The following PPEF1 variants were observed in gnomAD, a reference collection of about 807,000 sequenced individuals.
PPEF1 encodes protein phosphatase with EF-hand domain 1.
Under a neutral mutation model 53.3 loss-of-function variants are expected in PPEF1, and 12 were observed. The ratio of observed to expected loss-of-function variants is 0.23; its 90% CI spans 0.14 to 0.36. The LOEUF is 0.36. Ranked by LOEUF, PPEF1 falls within the 10% of genes least tolerant of loss-of-function variation. The pLI, the probability that PPEF1 is intolerant of heterozygous loss-of-function variation, is 1.00. For missense variants in PPEF1, 334 were observed against 490.4 expected (o/e 0.68, Z 3.01); for synonymous variants, 165 against 176.7 (o/e 0.93, Z 0.52).
chrX:18,682,405 G>A (rs968506868), upstream of PPEF1, among the ~76,000 whole-genome samples: 5 of 112,133 alleles, frequency 4.5e-5, no homozygotes, highest in South Asian at 3.7e-4. Flanking sequence ...CTACTTTGGC[G>A]AGTTAGGAGT....
chrX:18,803,113 A>G lies in PPEF1; in HGVS notation c.1066-779A>G, dbSNP rs2046581007. ...CACAGATTTACCCACGTATTTATTA[A>G]CAGCAAGCCAGTCATTAGCATTGTT... On this transcript the variant is annotated intron_variant, in intron 10 of 15. Transcript: ENST00000470157. Among the ~76,000 whole-genome samples, 6 of 112,088 alleles carry G rather than the reference A, an allele frequency of 5.4e-5. No individual in the cohort carries two copies. The Admixed American group carries it at 5.7e-4, about 11-fold the overall frequency.
intron 3 of PPEF1, among the ~76,000 whole-genome samples, chrX:18,740,976 T>C (rs1249749108): frequency 2.8e-5 from 3 of 105,476 alleles, no homozygotes; most frequent in African/African-American, 1.0e-4. Flanking sequence ...AGGAGCATCT[T>C]TTAAATAATC....
intron 1 of PPEF1, among the ~76,000 whole-genome samples, chrX:18,723,376 T>C (rs2044631703): frequency 8.9e-6 from 1 of 112,018 alleles, no homozygotes; most frequent in East Asian, 2.8e-4. Context: ...GAGACAATTT[T>C]TAAAAAAGTA....
At chrX:18,720,611 C>A (rs952736885) in intron 1 of PPEF1, among the ~76,000 whole-genome samples, 1 of 111,235 alleles carries the variant, frequency 9.0e-6, no homozygotes, top group African/African-American at 3.3e-5. Flanking sequence ...ACAAAAATTT[C>A]TTTCAAAAGA....
chrX:18,811,609 ATATATATTT>A (rs1430824119), intron 12 of PPEF1, among the ~76,000 whole-genome samples: 170 of 22,978 alleles, frequency 7.4e-3, no homozygotes, highest in African/African-American at 0.029. Context: ...ATATATATAT[ATATATATTT>A]TTTTTTTTTT....
intron 6 of PPEF1, among the ~76,000 whole-genome samples, chrX:18,702,551 A>G (rs763918567): frequency 1.6e-3 from 168 of 107,635 alleles, no homozygotes; most frequent in Middle Eastern, 9.3e-3. Flanking sequence ...GAACAAGAAC[A>G]ACTCGGGGAG....
Position 18,725,433 on chromosome X carries a change from G to C in PPEF1, c.47-4748G>C, listed in dbSNP as rs1051120434. Among the ~76,000 whole-genome samples the C allele has an allele frequency of 2.7e-5, 3 of 111,700 alleles. No individual in the cohort carries two copies. The East Asian group carries it at 8.4e-4, about 31-fold the overall frequency. ...CATGAGACTGGCTTTGCAAGTGCTG[G>C]ATGAGCTGCAAACTGGATCCGACGA... is the stretch of plus-strand genomic sequence containing the variant. On this transcript the variant is annotated intron_variant, in intron 1 of 15. Transcript: ENST00000470157.
intron 5 of PPEF1, among the ~76,000 whole-genome samples, chrX:18,760,777 A>AT (rs35558454): frequency 0.039 from 2,850 of 74,006 alleles, 117 homozygotes; most frequent in African/African-American, 0.072. Context: ...AAACCTGGCA[A>AT]TTTTTTTTTT....
intron 3 of PPEF1, among the ~76,000 whole-genome samples, chrX:18,742,491 A>G (rs896735664): frequency 9.8e-5 from 11 of 111,705 alleles, no homozygotes; most frequent in Admixed American, 4.8e-4. Context: ...GAGCTCACTC[A>G]TCTAGCTGGA....
intron 7 of PPEF1, among the ~76,000 whole-genome samples, chrX:18,780,917 A>G (rs929278510): frequency 9.1e-6 from 1 of 110,146 alleles, no homozygotes; most frequent in Non-Finnish European, 1.9e-5. Flanking sequence ...TTAGCCGGGC[A>G]TAGTGGCGGG....
intron 1 of PPEF1, among the ~76,000 whole-genome samples, chrX:18,676,613 T>G (rs1012790675): frequency 9.0e-6 from 1 of 111,374 alleles, no homozygotes; most frequent in Non-Finnish European, 1.9e-5. Flanking sequence ...TTCCCACTAG[T>G]CAGTGAGCCT....
At chrX:18,728,421 A>C (rs1403847246) in intron 1 of PPEF1, among the ~76,000 whole-genome samples, 2 of 110,690 alleles carry the variant, frequency 1.8e-5, no homozygotes, top group African/African-American at 6.6e-5. Flanking sequence ...TAAAACTATC[A>C]GATCTCATGA....
upstream of PPEF1, among the ~76,000 whole-genome samples, chrX:18,679,625 C>T (rs868375636): frequency 2.7e-5 from 3 of 111,699 alleles, no homozygotes; most frequent in African/African-American, 6.5e-5. Flanking sequence ...GGCCTTTCAG[C>T]TTCTGCCCTT....
At chrX:18,815,881 C>A (rs1178507318) in intron 12 of PPEF1, among the ~76,000 whole-genome samples, 1 of 107,323 alleles carries the variant, frequency 9.3e-6, no homozygotes, top group Non-Finnish European at 1.9e-5. Flanking sequence ...CTCTTTTTTC[C>A]AATTTTTTAT....
intron 9 of PPEF1, 21 bp from the exon 10 acceptor site, chrX:18,789,100 A>G: frequency 3.3e-6 from 4 of 1,207,464 alleles, no homozygotes. Context: ...GGTTGGACTA[A>G]AGCATGAATT....
At chrX:18,733,160 T>A (rs1431335626) in intron 2 of PPEF1, among the ~76,000 whole-genome samples, 4 of 111,336 alleles carry the variant, frequency 3.6e-5, no homozygotes, top group Non-Finnish European at 7.5e-5. Flanking sequence ...GAGCCAAAAT[T>A]GTGCCATTGC....
chrX:18,783,755 A>T, intron 8 of PPEF1, 144 bp from the exon 9 acceptor site: 1 of 533,878 alleles, frequency 1.9e-6, no homozygotes, highest in Admixed American at 3.4e-5. Context: ...AAAAGACATG[A>T]TGAATACATG....
chrX:18,677,482 A>G (rs1331835527), intron 1 of PPEF1, among the ~76,000 whole-genome samples: 1 of 111,748 alleles, frequency 8.9e-6, no homozygotes, highest in Non-Finnish European at 1.9e-5. Context: ...AGAAGAACAC[A>G]TCCAAGCTGA....
At chrX:18,731,369 A>G (rs369642757) in intron 2 of PPEF1, among the ~76,000 whole-genome samples, 1 of 112,331 alleles carries the variant, frequency 8.9e-6, no homozygotes, top group African/African-American at 3.2e-5. Flanking sequence ...ATATTTAAAG[A>G]TAATTAAGAA....
Sources: gnomAD v4.1 joint callset for allele counts (sites outside exome capture counted in the v4.1 genomes callset) on GRCh38, gnomAD v4.1.1 for gene constraint, MANE v1.5 for transcripts, NCBI Gene and HGNC (gene_info 2026-07-23, HGNC 2026-07-21) for gene names.